Variants in MAST2 observed in about 807,000 individuals in gnomAD.
MAST2 encodes microtubule associated serine/threonine kinase 2.
A neutral mutation model predicts 147.4 loss-of-function variants in MAST2; 70 were observed. The ratio of observed to expected loss-of-function variants is 0.47; its 90% CI spans 0.39 to 0.58. MAST2 has a LOEUF of 0.58. Among genes scored for constraint, MAST2 ranks in the 20% least tolerant of loss-of-function variants. MAST2 has a pLI of 0.00. For synonymous variants in MAST2, 869 were observed against 896.8 expected (o/e 0.97, Z 0.55); for missense variants, 2,080 against 2,302.3 (o/e 0.90, Z 1.98).
At position 46,005,113 on chromosome 1, in the gene MAST2, A is replaced by G. The variant is rs187925435; in HGVS notation, c.748-1128A>G. Among the ~76,000 whole-genome samples the G allele has an allele frequency of 2.2e-3, 338 of 152,344 alleles. 1 individual carries two copies. The highest frequency in any genetic ancestry group is 4.1e-3 in the Non-Finnish European group (277 of 68,018). On this transcript the variant is annotated intron_variant, in intron 7 of 28. Transcript: ENST00000361297. ...CGCGGTGGCTCACGCCTGTAATCCC[A>G]GCACTTTGGGAGGCCAAGGCGGGCA...
intron 3 of MAST2, among the ~76,000 whole-genome samples, chr1:45,844,099 T>A (rs1645357494): frequency 6.6e-6 from 1 of 151,980 alleles, no homozygotes; most frequent in Admixed American, 6.6e-5. Flanking sequence ...CAGCCTTACT[T>A]TTTTTTGTTT....
intron 2 of MAST2, among the ~76,000 whole-genome samples, chr1:45,825,866 C>A (rs1471515229): frequency 6.6e-6 from 1 of 151,940 alleles, no homozygotes; most frequent in Non-Finnish European, 1.5e-5. Flanking sequence ...CACCTGAGGT[C>A]AGGAGTTCAA....
intron 4 of MAST2, among the ~76,000 whole-genome samples, chr1:45,933,256 C>A (rs1426911686): frequency 7.3e-6 from 1 of 136,350 alleles, no homozygotes; most frequent in African/African-American, 2.8e-5. Context: ...TTGGGGGGGG[C>A]AAATGTTGAT....
rs145386739 is a variant in MAST2 at position 45,875,378 on chromosome 1, G to A, written c.469-6986G>A. The stretch of plus-strand genomic sequence containing the variant: ...GGAGAATCGCTTGAACCTGGGAGAC[G>A]GAGGTTGCAGTGAGCCAAGATCGCG... On this transcript the variant is annotated intron_variant, in intron 3 of 28. Transcript: ENST00000361297. 2.9e-3 allele frequency among the ~76,000 whole-genome samples: 446 copies of A among 152,224 alleles called. 1 individual carries two copies. The highest frequency in any genetic ancestry group is 0.01 in the African/African-American group (420 of 41,542).
intron 4 of MAST2, among the ~76,000 whole-genome samples, chr1:45,932,193 C>T (rs1003860211): frequency 6.6e-6 from 1 of 152,080 alleles, no homozygotes; most frequent in African/African-American, 2.4e-5. Context: ...GTACCCCATT[C>T]CTCATCAAAT....
chr1:45,931,377 G>GTTT (rs71587091), intron 4 of MAST2, among the ~76,000 whole-genome samples: 37,883 of 100,846 alleles, frequency 0.38, 7,817 homozygotes, highest in East Asian at 0.45. Flanking sequence ...ATTGTGTTCT[G>GTTT]TTTTTTTTTT....
chr1:45,861,744 G>A (rs1645987982), intron 3 of MAST2, among the ~76,000 whole-genome samples: 1 of 152,010 alleles, frequency 6.6e-6, no homozygotes, highest in Non-Finnish European at 1.5e-5. Context: ...TGGCTGCAGA[G>A]AGTATGGAGA....
At position 45,923,227 on chromosome 1, in the gene MAST2, G is replaced by A. The variant is rs993396277; in HGVS notation, c.501-36159G>A. 2.0e-5 allele frequency among the ~76,000 whole-genome samples: 3 copies of A among 152,060 alleles called. No individual in the cohort carries two copies. In the East Asian group the frequency reaches 5.8e-4, roughly 29 times the overall value. On this transcript the variant is annotated intron_variant, in intron 4 of 28. Coordinates refer to ENST00000361297, the MANE Select transcript of MAST2 (RefSeq NM_015112.3). ...CCAGGGGTGGGTTCCCAGGGCAGTG[G>A]GCCTGTAGGGGGGCTTCCAAAGGAG...
At chr1:45,951,284 A>G (rs115129681) in intron 4 of MAST2, among the ~76,000 whole-genome samples, 204 of 152,132 alleles carry the variant, frequency 1.3e-3, no homozygotes, top group African/African-American at 4.8e-3. Context: ...AAAATTATTA[A>G]GAATATAAAA....
At chr1:45,857,342 A>G (rs955596454) in intron 3 of MAST2, among the ~76,000 whole-genome samples, 3 of 152,222 alleles carry the variant, frequency 2.0e-5, no homozygotes, top group African/African-American at 7.2e-5. Context: ...TATTATCCCT[A>G]TGGAATAGCA....
At chr1:45,962,785 A>G (rs952299778) in intron 5 of MAST2, among the ~76,000 whole-genome samples, 2 of 152,106 alleles carry the variant, frequency 1.3e-5, no homozygotes, top group African/African-American at 4.8e-5. Flanking sequence ...ATTAGATCCC[A>G]TTTGTCAATT....
intron 4 of MAST2, among the ~76,000 whole-genome samples, chr1:45,953,537 T>A (rs959341888): frequency 3.9e-5 from 6 of 152,262 alleles, no homozygotes; most frequent in South Asian, 2.1e-4. Context: ...GGAAAAAAGG[T>A]AGACCAAAGG....
Position 46,035,113 on chromosome 1 carries a change from C to T in MAST2, c.4444C>T (p.Arg1482Trp), listed in dbSNP as rs368105754. The change falls in exon 29 of 29, where the codon CGG becomes TGG. Residue 1482 changes from arginine (R) to tryptophan (W), a missense_variant. Transcript: ENST00000361297. This position sits in a 1 kb window ranked among gnomAD's most constrained non-coding sequence, Gnocchi z 5.5. ...TCCCTCACGGGCCCTAGGCACCCTC[C>T]GGCAGGACCGAGCCGAACGACGGGA... ...PAPSRALGTLRQDRAERRESL... is the reference protein window; with the variant it reads ...PAPSRALGTLWQDRAERRESL... The T allele has an allele frequency of 1.1e-5, 17 of 1,613,420 alleles. No individual in the cohort carries two copies. The highest frequency in any genetic ancestry group is 2.2e-5 in the East Asian group (1 of 44,892).
chr1:46,034,240 G>T lies in MAST2; in HGVS notation c.3842G>T (p.Arg1281Leu). 1.2e-6 allele frequency: 2 copies of T among 1,613,734 alleles called. No homozygotes were observed. The highest frequency in any genetic ancestry group is 1.7e-6 in the Non-Finnish European group (2 of 1,179,808). Residue 1281 changes from arginine (R) to leucine (L), a missense_variant, in exon 28 of 29, where the codon CGG becomes CTG. Arg to Leu is a moderately radical substitution (Grantham distance 102, BLOSUM62 -2). Transcript: ENST00000361297. ...CCCCGATCTCCCACTCAAGGCTACCGGGTGACCCCCGATGCTGTGCATTCA... is the reference window on the plus strand; with the variant it reads ...CCCCGATCTCCCACTCAAGGCTACCTGGTGACCCCCGATGCTGTGCATTCA... The part of the protein sequence containing the change: ...LSPRSPTQGY[R>L]VTPDAVHSVG...
chr1:46,018,233 ACTCT>A (rs1309705472), intron 10 of MAST2, among the ~76,000 whole-genome samples: 2 of 147,988 alleles, frequency 1.4e-5, no homozygotes, highest in African/African-American at 5.0e-5. Flanking sequence ...TCTTTCCTCC[ACTCT>A]CTCTCTGATG....
chr1:46,035,414 G>A lies in MAST2; in HGVS notation c.4745G>A (p.Arg1582Lys). 2 of 1,612,578 alleles carry A rather than the reference G, an allele frequency of 1.2e-6. No homozygotes were observed. The highest frequency in any genetic ancestry group is 2.2e-5 in the East Asian group (1 of 44,808). Residue 1582 changes from arginine (R) to lysine (K), a missense_variant, in exon 29 of 29, where the codon AGG (arginine) becomes AAG (lysine). Coordinates refer to ENST00000361297, the MANE Select transcript of MAST2 (RefSeq NM_015112.3). This position sits in a 1 kb window ranked among gnomAD's most constrained non-coding sequence, Gnocchi z 5.5. The stretch of plus-strand genomic sequence containing the variant: ...GAAAGTCCCAGTGGTCCCCACAGGA[G>A]GCTCGGGAGCCCACAAGCCATTGAG... ...RMESPSGPHR[R>K]LGSPQAIEEA... is the part of the protein sequence containing the mutation.
At chr1:45,852,456 GT>G (rs1645653019) in intron 3 of MAST2, among the ~76,000 whole-genome samples, 1 of 151,884 alleles carries the variant, frequency 6.6e-6, no homozygotes, top group Admixed American at 6.6e-5. Context: ...CCATCTCCCA[GT>G]CTCAGGTGAT....
intron 4 of MAST2, among the ~76,000 whole-genome samples, chr1:45,899,859 T>TA (rs1467617849): frequency 6.7e-5 from 10 of 149,820 alleles, no homozygotes; most frequent in African/African-American, 1.7e-4. Flanking sequence ...TAAAAAAAAA[T>TA]TTTTTTTTTT....
intron 4 of MAST2, among the ~76,000 whole-genome samples, chr1:45,927,107 G>A (rs536552331): frequency 1.3e-5 from 2 of 152,260 alleles, no homozygotes; most frequent in South Asian, 4.1e-4. Flanking sequence ...TTTTATTAGG[G>A]ATTTTCAAAA....
Sources: gnomAD v4.1 joint callset for allele counts (sites outside exome capture counted in the v4.1 genomes callset) on GRCh38, gnomAD v4.1.1 for gene constraint, Gnocchi (gnomAD v3.1) non-coding constraint, MANE v1.5 for transcripts, NCBI Gene and HGNC (gene_info 2026-07-23, HGNC 2026-07-21) for gene names.